SMARCD2: variants seen among roughly 807,000 people sequenced by gnomAD.
SMARCD2 encodes the protein SWI/SNF-related matrix-associated actin-dependent regulator of chromatin subfamily D member 2.
Under a neutral mutation model 70.4 loss-of-function variants are expected in SMARCD2, and 39 were observed. The ratio of observed to expected loss-of-function variants is 0.55; its 90% CI spans 0.43 to 0.72. SMARCD2 has a LOEUF of 0.72. Ranked by LOEUF, SMARCD2 falls within the 30% of genes least tolerant of loss-of-function variation. SMARCD2 has a pLI of 0.00. For missense variants in SMARCD2, 540 were observed against 713.4 expected, an observed-to-expected ratio of 0.76 and a Z score of 2.77; for synonymous variants, 249 against 279.4, an observed-to-expected ratio of 0.89 and a Z score of 1.08.
chr17:63,834,369 T>A lies in SMARCD2; in HGVS notation c.922-41A>T, dbSNP rs769380958. On this transcript the variant is annotated intron_variant, in intron 7 of 12. Transcript: ENST00000448276. This position sits in a 1 kb window ranked among gnomAD's most constrained non-coding sequence, Gnocchi z 5.6. ...GGGGAGTCAGAACGGGTTCTTATAG[T>A]AGAACAGTGGGAAAATAGGGCAGGG... 1 of 1,593,834 alleles carries A rather than the reference T, an allele frequency of 6.3e-7. No homozygotes were observed. Among genetic ancestry groups the A allele is most frequent in the Admixed American group, 1.7e-5 (1 of 59,184 alleles).
At position 63,836,977 on chromosome 17, in the gene SMARCD2, T is replaced by C; in HGVS notation, c.512A>G (p.Gln171Arg). 6.2e-7 allele frequency: 1 copy of C among 1,614,014 alleles called. No homozygotes were observed. The highest frequency in any genetic ancestry group is 8.5e-7 in the Non-Finnish European group (1 of 1,179,838). Residue 171 changes from glutamine (Q) to arginine (R), a missense_variant, in exon 4 of 13, where the codon CAG (glutamine) becomes CGG (arginine). Gln to Arg is a conservative substitution (Grantham distance 43, BLOSUM62 1). Coordinates refer to ENST00000448276, the MANE Select transcript of SMARCD2 (RefSeq NM_001098426.2). ...DLLAFERKLD[Q>R]TIARKRMEIQ... ...CTCCATCCGCTTGCGAGCAATGGTC[T>C]GGTCCAGCTTCCGCTCAAAAGCCAA...
In SMARCD2 at chr17:63,834,315, T is replaced by G. The variant is rs1416336818; in HGVS notation, c.935A>C (p.Lys312Thr). 6.2e-7 allele frequency: 1 copy of G among 1,612,344 alleles called. No homozygotes were observed. The change falls in exon 8 of 13, where the codon AAA (lysine) becomes ACA (threonine). Residue 312 changes from lysine to threonine, a missense_variant. Lys to Thr is a moderately conservative substitution (Grantham distance 78). Coordinates refer to ENST00000448276, the MANE Select transcript of SMARCD2 (RefSeq NM_001098426.2). This position sits in a 1 kb window ranked among gnomAD's most constrained non-coding sequence, Gnocchi z 5.6. ...CAGCCTTGCCAATCGGGGGTCCAATTTGTACTGGGGAGGCTGGAGTTGGAT... is the reference window on the plus strand; with the variant it reads ...CAGCCTTGCCAATCGGGGGTCCAATGTGTACTGGGGAGGCTGGAGTTGGAT... ...LMLDHQPPQY[K>T]LDPRLARLLG...
At chr17:63,836,891 G>A (rs1411866014) in intron 4 of SMARCD2, 31 bp downstream of exon 4, 1 of 1,588,052 alleles carries the variant, frequency 6.3e-7, no homozygotes, top group Non-Finnish European at 8.6e-7. Flanking sequence ...GGAAACCTGG[G>A]AAGGCTAGAG....
Position 63,837,166 on chromosome 17 carries a change from G to A in SMARCD2, c.444+29C>T. On this transcript the variant is annotated intron_variant, in intron 3 of 12. Transcript: ENST00000448276. This position sits in a 1 kb window ranked among gnomAD's most constrained non-coding sequence, Gnocchi z 6.4. ...CCCACCCCAAGGTGGCCACTGGGCA[G>A]GCCTCCCAGGTGTCCTCTTAACACT... 5 of 1,612,868 alleles carry A rather than the reference G, an allele frequency of 3.1e-6. No homozygotes were observed. Among genetic ancestry groups the A allele is most frequent in the South Asian group, 1.1e-5 (1 of 91,030 alleles).
intron 4 of SMARCD2, among the ~76,000 whole-genome samples, chr17:63,836,098 G>A (rs1406772967): frequency 2.0e-5 from 3 of 152,022 alleles, no homozygotes; most frequent in Non-Finnish European, 4.4e-5. Flanking sequence ...TGGTGCTACG[G>A]CATGATGGAG....
chr17:63,835,619 C>T (rs2040255856), intron 4 of SMARCD2, 52 bp from the exon 5 acceptor site: 1 of 1,570,116 alleles, frequency 6.4e-7, no homozygotes, highest in South Asian at 1.1e-5. Context: ...TGCTGGGACA[C>T]AGTGCTACCG....
chr17:63,836,206 G>A (rs79022287), intron 4 of SMARCD2, among the ~76,000 whole-genome samples: 2,475 of 151,846 alleles, frequency 0.016, 57 homozygotes, highest in African/African-American at 0.057. Context: ...TTCACCACTC[G>A]GGACTGTTCT....
intron 1 of SMARCD2, chr17:63,838,784 A>ACCAGCCAACCAAGC (rs2040297035): frequency 3.1e-6 from 4 of 1,271,740 alleles, no homozygotes; most frequent in Non-Finnish European, 4.0e-6. Flanking sequence ...AACGAGCACA[A>ACCAGCCAACCAAGC]CCAGCCAACC....
chr17:63,832,182 C>G lies in SMARCD2; in HGVS notation c.*756G>C. On this transcript the variant is annotated 3_prime_UTR_variant, in exon 13 of 13. Transcript: ENST00000448276. ...CTCACCAAGCTCCAAAGGGCAACAC[C>G]AGTCCTCCCAGCCTCCCCATTCACC... 1.7e-6 allele frequency: 1 copy of G among 596,334 alleles called. No individual in the cohort carries two copies. The highest frequency in any genetic ancestry group is 3.0e-6 in the Non-Finnish European group (1 of 335,202). The allele number at this position is 596,334 out of a possible 1,614,324, so 36.9% of individuals were successfully genotyped here.
intron 1 of SMARCD2, among the ~76,000 whole-genome samples, chr17:63,838,045 T>C (rs1487983120): frequency 6.6e-6 from 1 of 152,136 alleles, no homozygotes; most frequent in African/African-American, 2.4e-5. Context: ...AGAAGAAGCA[T>C]GGCTGAGAGG....
In SMARCD2 at chr17:63,834,581, AG is replaced by A. The variant is rs1674687518; in HGVS notation, c.820-7del. 3 of 1,599,134 alleles carry A rather than the reference AG, an allele frequency of 1.9e-6. No individual in the cohort carries two copies. The highest frequency in any genetic ancestry group is 1.7e-6 in the Non-Finnish European group (2 of 1,169,720). ...GTGGTGGGCATCCGGTGCCACTGGC[AG>A]GGAGGGAAGCATGGCTTATCACCAA... On this transcript the variant is annotated splice_region_variant and splice_polypyrimidine_tract_variant and intron_variant, in intron 6 of 12. Transcript: ENST00000448276. The surrounding 1 kb of genome is among the most constrained non-coding windows in gnomAD (Gnocchi z 5.6).
rs1904513127 is a variant in SMARCD2 at position 63,842,561 on chromosome 17, G to C, written c.114C>G (p.Pro38=). The C allele has an allele frequency of 2.5e-6, 3 of 1,205,556 alleles. No individual in the cohort carries two copies. In the Admixed American group the frequency reaches 1.3e-4, roughly 53 times the overall value. The allele number at this position is 1,205,556 out of a possible 1,614,324, so 74.7% of individuals were successfully genotyped here. Residue 38 remains proline (P), a synonymous_variant, in exon 1 of 13, where the codon CCC becomes CCG. Coordinates refer to ENST00000448276, the MANE Select transcript of SMARCD2 (RefSeq NM_001098426.2). ...GACCCGGTCCCCGGAGCGCCGGTCC[G>C]GGCAGCATGCCGGGTCCCGCGGGGG... is the stretch of plus-strand genomic sequence containing the variant. The part of the protein sequence containing the change: ...PPPPAGPGML[P]GPALRGPGPA...
chr17:63,840,768 C>G (rs1221996382), intron 1 of SMARCD2, among the ~76,000 whole-genome samples: 2 of 152,234 alleles, frequency 1.3e-5, no homozygotes, highest in Non-Finnish European at 2.9e-5. Context: ...GCTGGGTTCT[C>G]CTTCCCATCT....
rs2144635078 is a variant in SMARCD2 at position 63,837,789 on chromosome 17, A to G, written c.217-164T>C. On this transcript the variant is annotated intron_variant, in intron 1 of 12. Transcript: ENST00000448276. This position sits in a 1 kb window ranked among gnomAD's most constrained non-coding sequence, Gnocchi z 6.4. ...AAGGGGAGTGGGCGCCTGAGCACAG[A>G]GTGTAAACCACACCTGCCCTGCCCC... is the stretch of plus-strand genomic sequence containing the variant. 6.6e-6 allele frequency among the ~76,000 whole-genome samples: 1 copy of G among 152,244 alleles called. No individual in the cohort carries two copies. The highest frequency in any genetic ancestry group is 2.1e-4 in the South Asian group (1 of 4,820).
At chr17:63,842,397 C>T in intron 1 of SMARCD2, 62 bp downstream of exon 1, 2 of 1,286,426 alleles carry the variant, frequency 1.6e-6, no homozygotes, top group South Asian at 1.8e-5. Context: ...CCCCTTCAGC[C>T]GCCGGCCCGG....
At chr17:63,840,476 T>C (rs899377629) in intron 1 of SMARCD2, among the ~76,000 whole-genome samples, 9 of 152,020 alleles carry the variant, frequency 5.9e-5, no homozygotes, top group Non-Finnish European at 2.9e-5. Context: ...TATCCTGCCC[T>C]GGAGGTTTTT....
chr17:63,833,923 G>A lies in SMARCD2; in HGVS notation c.1167C>T (p.Ile389=). Residue 389 remains isoleucine (I), a synonymous_variant, in exon 9 of 13, where the codon ATC becomes ATT. Coordinates refer to ENST00000448276, the MANE Select transcript of SMARCD2 (RefSeq NM_001098426.2). This position sits in a 1 kb window ranked among gnomAD's most constrained non-coding sequence, Gnocchi z 4.3. The part of the protein sequence containing the change: ...GLLQHPDPIV[I]NHVISVDPND... ...CTTGCATTTACCTAATGACATGGTTGATGACAATGGGGTCTGGATGCTGCA... is the reference window on the plus strand; with the variant it reads ...CTTGCATTTACCTAATGACATGGTTAATGACAATGGGGTCTGGATGCTGCA... The A allele has an allele frequency of 6.2e-7, 1 of 1,611,454 alleles. No individual in the cohort carries two copies. The highest frequency in any genetic ancestry group is 8.5e-7 in the Non-Finnish European group (1 of 1,177,540).
intron 4 of SMARCD2, among the ~76,000 whole-genome samples, chr17:63,836,022 C>A (rs1055740750): frequency 3.9e-5 from 6 of 152,098 alleles, no homozygotes; most frequent in African/African-American, 1.4e-4. Context: ...AGCCACCGCA[C>A]CTGGCCGGAA....
rs755097202 is a variant in SMARCD2 at position 63,833,275 on chromosome 17, C to T, written c.1440+23G>A. On this transcript the variant is annotated intron_variant, in intron 11 of 12. Coordinates refer to ENST00000448276, the MANE Select transcript of SMARCD2 (RefSeq NM_001098426.2). This position sits in a 1 kb window ranked among gnomAD's most constrained non-coding sequence, Gnocchi z 4.3. Reference sequence around the variant, plus strand: ...ATCACCCAGAGCTTTACATAGGAGTCCCCTCGGGAAAGAGGACTACACCTT... The same window carrying T: ...ATCACCCAGAGCTTTACATAGGAGTTCCCTCGGGAAAGAGGACTACACCTT... The T allele has an allele frequency of 4.3e-6, 7 of 1,613,842 alleles. No individual in the cohort carries two copies. Among genetic ancestry groups the T allele is most frequent in the African/African-American group, 1.3e-5 (1 of 75,032 alleles).
Sources: gnomAD v4.1 joint callset for allele counts (sites outside exome capture counted in the v4.1 genomes callset) on GRCh38, gnomAD v4.1.1 for gene constraint, Gnocchi (gnomAD v3.1) non-coding constraint, MANE v1.5 for transcripts, NCBI Gene and HGNC (gene_info 2026-07-23, HGNC 2026-07-21) for gene names.